ERBB4: variants seen among roughly 807,000 people sequenced by gnomAD.
ERBB4 encodes erb-b2 receptor tyrosine kinase 4, also known as receptor tyrosine-protein kinase erbB-4.
Under a neutral mutation model 158.0 loss-of-function variants are expected in ERBB4, and 42 were observed. That is an observed-to-expected ratio of 0.27 (90% CI 0.21 to 0.34). The LOEUF is 0.34. Ranked by LOEUF, ERBB4 falls within the 10% of genes least tolerant of loss-of-function variation. The probability of loss-of-function intolerance (pLI) is 1.00; values close to 1 mark genes in which losing one functional copy is unlikely to be tolerated. For missense variants in ERBB4, 1,333 were observed against 1,624.1 expected, an observed-to-expected ratio of 0.82 and a Z score of 3.08; for synonymous variants, 583 against 558.7, an observed-to-expected ratio of 1.04 and a Z score of -0.61.
chr2:211,390,549 A>G (rs1027625012), intron 25 of ERBB4, among the ~76,000 whole-genome samples: 1 of 152,260 alleles, frequency 6.6e-6, no homozygotes, highest in African/African-American at 2.4e-5. Context: ...AATCAAAGGA[A>G]CAACTTACAA....
intron 1 of ERBB4, among the ~76,000 whole-genome samples, chr2:212,419,258 A>T (rs1233123756): frequency 6.6e-6 from 1 of 151,938 alleles, no homozygotes; most frequent in Non-Finnish European, 1.5e-5. Context: ...TCTACGAATG[A>T]CACTACATGC....
At chr2:211,557,138 G>T (rs1225428676) in intron 20 of ERBB4, among the ~76,000 whole-genome samples, 4 of 152,058 alleles carry the variant, frequency 2.6e-5, no homozygotes, top group Non-Finnish European at 5.9e-5. Context: ...AGATTGCATT[G>T]TAAAACCCAA....
intron 3 of ERBB4, among the ~76,000 whole-genome samples, chr2:211,896,327 T>G (rs2079096944): frequency 6.6e-6 from 1 of 152,176 alleles, no homozygotes; most frequent in Non-Finnish European, 1.5e-5. Flanking sequence ...ATTTGTTATT[T>G]ATTCTTCTAG....
chr2:211,554,588 T>A (rs542046280), intron 20 of ERBB4, among the ~76,000 whole-genome samples: 1 of 152,334 alleles, frequency 6.6e-6, no homozygotes, highest in African/African-American at 2.4e-5. Flanking sequence ...ACACCACAGG[T>A]ACTGTCTGCC....
intron 2 of ERBB4, chr2:211,960,665 G>C (rs2081157966): frequency 6.6e-6 from 1 of 152,098 alleles, no homozygotes; most frequent in Admixed American, 6.6e-5. Context: ...TGAGTGTCTT[G>C]TGAGGACCCA....
chr2:212,535,378 T>C (rs1426445481), intron 1 of ERBB4, among the ~76,000 whole-genome samples: 2 of 152,184 alleles, frequency 1.3e-5, no homozygotes, highest in African/African-American at 4.8e-5. Context: ...TTAACTTTTA[T>C]TAACATTTTT....
chr2:211,664,965 G>T (rs890785666), intron 15 of ERBB4, among the ~76,000 whole-genome samples: 4 of 152,072 alleles, frequency 2.6e-5, no homozygotes, highest in African/African-American at 9.7e-5. Flanking sequence ...TTCCTTTAAA[G>T]ATTTGATAAA....
At chr2:212,132,754 G>A (rs2080144519) in intron 1 of ERBB4, among the ~76,000 whole-genome samples, 2 of 151,914 alleles carry the variant, frequency 1.3e-5, no homozygotes, top group African/African-American at 4.8e-5. Context: ...AGACTATATA[G>A]TACATTTTAA....
intron 5 of ERBB4, among the ~76,000 whole-genome samples, chr2:211,743,951 G>C (rs116108561): frequency 6.6e-6 from 1 of 152,210 alleles, no homozygotes; most frequent in Non-Finnish European, 1.5e-5. Context: ...ACATCCAGAA[G>C]GATTTAAGGA....
chr2:211,897,958 C>A (rs1231714559), intron 3 of ERBB4, among the ~76,000 whole-genome samples: 1 of 151,858 alleles, frequency 6.6e-6, no homozygotes, highest in East Asian at 1.9e-4. Context: ...GAGAAGGGGT[C>A]TCACTTTGTT....
intron 2 of ERBB4, among the ~76,000 whole-genome samples, chr2:211,973,409 G>C (rs1029529523): frequency 2.0e-5 from 3 of 152,012 alleles, no homozygotes; most frequent in Non-Finnish European, 4.4e-5. Context: ...CACCATGTTA[G>C]TCAGGATGGT....
intron 1 of ERBB4, among the ~76,000 whole-genome samples, chr2:212,354,182 A>T (rs2089374074): frequency 6.6e-6 from 1 of 152,118 alleles, no homozygotes; most frequent in Non-Finnish European, 1.5e-5. Flanking sequence ...ATTAATCAAA[A>T]TTATACATAA....
chr2:211,777,189 T>A (rs932789249), intron 4 of ERBB4: 1 of 152,188 alleles, frequency 6.6e-6, no homozygotes, highest in Non-Finnish European at 1.5e-5. Flanking sequence ...TTAATTGTTA[T>A]GTCCTTCAAG....
intron 3 of ERBB4, among the ~76,000 whole-genome samples, chr2:211,813,775 T>A (rs945656683): frequency 2.0e-5 from 3 of 152,144 alleles, no homozygotes; most frequent in African/African-American, 7.2e-5. Flanking sequence ...TACTTAATTT[T>A]TTAAATCTGA....
In ERBB4 at chr2:212,191,655, G is replaced by T. The variant is rs530766193; in HGVS notation, c.83-66752C>A. ...TATGCATGCTATATATAACACATGC[G>T]TTATACATGTCATATATCGCGTGTG... On this transcript the variant is annotated intron_variant, in intron 1 of 27. Transcript: ENST00000342788. Among the ~76,000 whole-genome samples, 36 of 136,934 alleles carry T rather than the reference G, an allele frequency of 2.6e-4. 2 individuals carry two copies. The South Asian group carries it at 8.0e-3, about 30-fold the overall frequency. The allele number at this position is 136,934 out of a possible 152,430, so 89.8% of individuals were successfully genotyped here.
intron 3 of ERBB4, 59 bp downstream of exon 3, chr2:211,947,371 A>G: frequency 7.4e-7 from 1 of 1,350,324 alleles, no homozygotes; most frequent in East Asian, 2.3e-5. Flanking sequence ...AACCCTACAT[A>G]TACAATTGCC....
At chr2:211,835,951 A>G (rs578154616) in intron 3 of ERBB4, among the ~76,000 whole-genome samples, 58 of 152,094 alleles carry the variant, frequency 3.8e-4, no homozygotes, top group Admixed American at 2.4e-3. Flanking sequence ...TCCTAGAATT[A>G]GAACTGGGAA....
intron 12 of ERBB4, among the ~76,000 whole-genome samples, chr2:211,680,280 T>C (rs2072280377): frequency 6.6e-6 from 1 of 152,182 alleles, no homozygotes; most frequent in African/African-American, 2.4e-5. Flanking sequence ...TTATTATTTA[T>C]ACTGCATGAC....
At chr2:211,863,062 C>T (rs546057833) in intron 3 of ERBB4, among the ~76,000 whole-genome samples, 9 of 151,474 alleles carry the variant, frequency 5.9e-5, no homozygotes, top group East Asian at 1.9e-4. Context: ...TCTGTAAAAA[C>T]GCACCAATCA....
Sources: gnomAD v4.1 joint callset for allele counts (sites outside exome capture counted in the v4.1 genomes callset) on GRCh38, gnomAD v4.1.1 for gene constraint, MANE v1.5 for transcripts, NCBI Gene and HGNC (gene_info 2026-07-23, HGNC 2026-07-21) for gene names.